Variants in SIRPG observed in about 807,000 individuals in gnomAD.
The protein encoded by SIRPG is signal-regulatory protein gamma.
Under a neutral mutation model 35.7 loss-of-function variants are expected in SIRPG, and 38 were observed. The observed-to-expected ratio is 1.06, with a 90% CI of 0.82 to 1.40. The LOEUF (loss-of-function observed/expected upper bound fraction) is 1.40. Among genes scored for constraint, SIRPG ranks in the 40% most tolerant of loss-of-function variants. SIRPG has a pLI of 0.00. For synonymous variants in SIRPG, 215 were observed against 190.4 expected (o/e 1.13, Z -1.06); for missense variants, 519 against 483.0 (o/e 1.07, Z -0.70).
At position 1,653,557 on chromosome 20, in the gene SIRPG, AT is replaced by A. The variant is rs368205017; in HGVS notation, c.73+4084del. 3.7e-3 allele frequency among the ~76,000 whole-genome samples: 563 copies of A among 152,204 alleles called. 2 individuals are homozygous for A. The highest frequency in any genetic ancestry group is 0.012 in the African/African-American group (506 of 41,502). On this transcript the variant is annotated intron_variant, in intron 1 of 5. Transcript: ENST00000303415. The stretch of plus-strand genomic sequence containing the variant: ...AGACCTGTGTCACCTGTATCCCCAC[AT>A]TTTTTTCCTCATTTCTACCTTCATG...
chr20:1,666,003 T>C, the SIRPG span, among the ~76,000 whole-genome samples: 5 of 152,060 alleles, frequency 3.3e-5, no homozygotes, highest in Non-Finnish European at 7.4e-5. Context: ...TTATGGCCCC[T>C]GAAGGCCTTC....
intron 2 of SIRPG, chr20:1,637,844 GA>G (rs2091816735): frequency 6.6e-6 from 1 of 152,144 alleles, no homozygotes; most frequent in South Asian, 2.1e-4. Context: ...ACAAACTGGA[GA>G]ATCAGAAAAA....
chr20:1,683,227 T>C, the SIRPG span, among the ~76,000 whole-genome samples: 3 of 152,236 alleles, frequency 2.0e-5, no homozygotes, highest in Non-Finnish European at 4.4e-5. Context: ...GAATGGTTAT[T>C]ATCAAAATGA....
At chr20:1,634,910 G>A (rs2091782002) in intron 4 of SIRPG, among the ~76,000 whole-genome samples, 1 of 151,676 alleles carries the variant, frequency 6.6e-6, no homozygotes, top group Non-Finnish European at 1.5e-5. Flanking sequence ...GGGCGTGGTG[G>A]CGGGCGCCTG....
chr20:1,636,243 G>T lies in SIRPG; in HGVS notation c.693C>A (p.Val231=). The T allele has an allele frequency of 1.2e-6, 2 of 1,614,220 alleles. No homozygotes were observed. The highest frequency in any genetic ancestry group is 2.7e-5 in the African/African-American group (2 of 75,058). Residue 231 remains valine (V), a synonymous_variant, in exon 3 of 6, where the codon GTC becomes GTA. Transcript: ENST00000303415. ...CACGAAGAGGGTCCCCCTGCAAGGT[G>T]ACATGGGCCACCTCGCAGATGACCT... ...RSQVICEVAH[V]TLQGDPLRGT...
intron 1 of SIRPG, among the ~76,000 whole-genome samples, chr20:1,654,128 A>T (rs183221772): frequency 7.2e-5 from 11 of 152,058 alleles, no homozygotes; most frequent in African/African-American, 2.4e-4. Context: ...AGTCCCAGCT[A>T]CTTGGGAGGC....
At chr20:1,642,240 G>C (rs1007248331) in intron 2 of SIRPG, among the ~76,000 whole-genome samples, 1 of 152,120 alleles carries the variant, frequency 6.6e-6, no homozygotes, top group African/African-American at 2.4e-5. Context: ...TCTTTTTGTA[G>C]GTCTCTAAGA....
At chr20:1,674,581 A>C in the SIRPG span, among the ~76,000 whole-genome samples, 1 of 152,170 alleles carries the variant, frequency 6.6e-6, no homozygotes, top group Non-Finnish European at 1.5e-5. Flanking sequence ...CCTGCCCTGC[A>C]CTAACCACTG....
At chr20:1,678,839 A>G in the SIRPG span, among the ~76,000 whole-genome samples, 15 of 152,208 alleles carry the variant, frequency 9.9e-5, no homozygotes, top group African/African-American at 3.6e-4. Flanking sequence ...AAGCAGCAAA[A>G]GAGAAGCGAT....
the SIRPG span, among the ~76,000 whole-genome samples, chr20:1,674,713 G>A: frequency 6.6e-6 from 1 of 152,192 alleles, no homozygotes; most frequent in African/African-American, 2.4e-5. Flanking sequence ...TGCACAGATA[G>A]GGAAACTGGG....
intron 2 of SIRPG, among the ~76,000 whole-genome samples, chr20:1,639,250 G>T (rs1050327946): frequency 6.6e-6 from 1 of 151,620 alleles, no homozygotes; most frequent in Admixed American, 6.6e-5. Flanking sequence ...ATGTAAAAAC[G>T]CTCCTATTTT....
At chr20:1,645,726 A>G (rs1296748552) in intron 2 of SIRPG, among the ~76,000 whole-genome samples, 1 of 152,230 alleles carries the variant, frequency 6.6e-6, no homozygotes, top group Non-Finnish European at 1.5e-5. Context: ...AGAAAATGGC[A>G]GAGCTGGGAA....
chr20:1,649,883 G>A (rs1298119137), intron 1 of SIRPG, among the ~76,000 whole-genome samples: 3 of 149,796 alleles, frequency 2.0e-5, no homozygotes, highest in Non-Finnish European at 3.0e-5. Context: ...CACTTGCCTC[G>A]GCTTTCCATA....
At chr20:1,651,490 A>G (rs2091939775) in intron 1 of SIRPG, 1 of 152,108 alleles carries the variant, frequency 6.6e-6, no homozygotes, top group Admixed American at 6.6e-5. Flanking sequence ...CTCCTCCCAT[A>G]TGGCTTCCTG....
At chr20:1,646,878 C>T (rs2091901789) in intron 2 of SIRPG, 1 of 152,178 alleles carries the variant, frequency 6.6e-6, no homozygotes, top group African/African-American at 2.4e-5. Context: ...AACTCCTGAC[C>T]TCAGGTGATC....
intron 1 of SIRPG, among the ~76,000 whole-genome samples, chr20:1,656,864 G>T (rs1312785589): frequency 6.6e-6 from 1 of 152,184 alleles, no homozygotes; most frequent in Non-Finnish European, 1.5e-5. Flanking sequence ...ACCCATTTAT[G>T]CCCGAGGTTG....
chr20:1,678,580 A>G, the SIRPG span, among the ~76,000 whole-genome samples: 36,742 of 151,858 alleles, frequency 0.24, 5,103 homozygotes, highest in East Asian at 0.58. Context: ...GGGAATGATG[A>G]TACATTATCA....
the SIRPG span, among the ~76,000 whole-genome samples, chr20:1,663,932 G>A: frequency 6.6e-6 from 1 of 152,182 alleles, no homozygotes; most frequent in South Asian, 2.1e-4. Flanking sequence ...ATAAATAAGA[G>A]GTTTATTTGG....
the SIRPG span, among the ~76,000 whole-genome samples, chr20:1,670,441 A>G: frequency 6.6e-6 from 1 of 152,198 alleles, no homozygotes; most frequent in African/African-American, 2.4e-5. Context: ...GTAGGTGCTC[A>G]AGGACTGGTA....
Sources: gnomAD v4.1 joint callset for allele counts (sites outside exome capture counted in the v4.1 genomes callset) on GRCh38, gnomAD v4.1.1 for gene constraint, MANE v1.5 for transcripts, NCBI Gene and HGNC (gene_info 2026-07-23, HGNC 2026-07-21) for gene names.